Variants in MYO10 observed in about 807,000 individuals in gnomAD.
MYO10 encodes myosin X.
A neutral mutation model predicts 257.3 loss-of-function variants in MYO10; 133 were observed. The observed-to-expected ratio is 0.52, with a 90% CI of 0.45 to 0.60. The LOEUF is 0.60. Among genes scored for constraint, MYO10 ranks in the 20% least tolerant of loss-of-function variants. The pLI is 0.00. For missense variants in MYO10, 2,399 were observed against 2,635.7 expected, an observed-to-expected ratio of 0.91 and a Z score of 1.97; for synonymous variants, 1,104 against 1,028.6, an observed-to-expected ratio of 1.07 and a Z score of -1.40.
At chr5:16,914,164 T>C (rs1044449779) in intron 1 of MYO10, among the ~76,000 whole-genome samples, 1 of 152,220 alleles carries the variant, frequency 6.6e-6, no homozygotes, top group Non-Finnish European at 1.5e-5. Flanking sequence ...GTGGCATTTC[T>C]TCCTACAGTA....
At chr5:16,894,491 G>C (rs1277342237) in intron 1 of MYO10, among the ~76,000 whole-genome samples, 2 of 152,136 alleles carry the variant, frequency 1.3e-5, no homozygotes, top group Non-Finnish European at 1.5e-5. Context: ...TTTCCTCATC[G>C]AATGTAGAGG....
At position 16,857,077 on chromosome 5, in the gene MYO10, T is replaced by A. The variant is rs191994725; in HGVS notation, c.120+20532A>T. ...GTCAATTAGGTTAGTATATGCACAA[T>A]CAACTCGCTTTCTGAAATACTTCGA... is the stretch of plus-strand genomic sequence containing the variant. On this transcript the variant is annotated intron_variant, in intron 2 of 40. Transcript: ENST00000513610. 3.9e-4 allele frequency among the ~76,000 whole-genome samples: 60 copies of A among 152,308 alleles called. 3 individuals carry two copies. Among genetic ancestry groups the A allele is most frequent in the Non-Finnish European group, 4.6e-4 (31 of 68,028 alleles).
At chr5:16,702,732 G>T in intron 23 of MYO10, 144 bp from the exon 24 acceptor site, 2 of 939,256 alleles carry the variant, frequency 2.1e-6, no homozygotes, top group Non-Finnish European at 3.2e-6. Context: ...GATTTATTCT[G>T]TATGAATAAA....
At chr5:16,682,303 A>G (rs1234651941) in intron 30 of MYO10, among the ~76,000 whole-genome samples, 2 of 152,180 alleles carry the variant, frequency 1.3e-5, no homozygotes, top group African/African-American at 4.8e-5. Context: ...AAGGCTAAAC[A>G]AGGTGACCAT....
chr5:16,856,413 G>A (rs965036356), intron 2 of MYO10, among the ~76,000 whole-genome samples: 1 of 152,024 alleles, frequency 6.6e-6, no homozygotes, highest in Non-Finnish European at 1.5e-5. Flanking sequence ...AGCTGGGCGT[G>A]GTGGTGTACA....
intron 4 of MYO10, among the ~76,000 whole-genome samples, chr5:16,791,180 C>A (rs1741741933): frequency 6.6e-6 from 1 of 152,078 alleles, no homozygotes; most frequent in South Asian, 2.1e-4. Flanking sequence ...TTTTCTCAAG[C>A]ATGAGAATGT....
At chr5:16,854,926 G>A (rs148251762) in intron 2 of MYO10, among the ~76,000 whole-genome samples, 3,429 of 151,978 alleles carry the variant, frequency 0.023, 44 homozygotes, top group South Asian at 0.037. Context: ...TCAGCTACTC[G>A]GGAGGCTGAG....
intron 3 of MYO10, among the ~76,000 whole-genome samples, chr5:16,802,939 C>CA (rs34168458): frequency 0.3 from 41,298 of 137,686 alleles, 6,225 homozygotes; most frequent in Middle Eastern, 0.37. Context: ...TCCTCTCTCT[C>CA]AAAAAAAAAA....
chr5:16,700,590 TA>T (rs11290692), intron 25 of MYO10, among the ~76,000 whole-genome samples: 3,931 of 152,166 alleles, frequency 0.026, 180 homozygotes, highest in African/African-American at 0.088. Flanking sequence ...GGCAGCAGGA[TA>T]GCTTGGACCC....
At chr5:16,798,012 A>C (rs1302198477) in intron 3 of MYO10, among the ~76,000 whole-genome samples, 1 of 152,214 alleles carries the variant, frequency 6.6e-6, no homozygotes, top group Non-Finnish European at 1.5e-5. Flanking sequence ...GGAGTGAGTT[A>C]GTTATTGCAG....
chr5:16,823,468 A>ATTTTTTTTTTTTTTTT, intron 2 of MYO10, among the ~76,000 whole-genome samples: 1 of 6,448 alleles, frequency 1.6e-4, no homozygotes, highest in Non-Finnish European at 2.8e-4. Flanking sequence ...GGGAGTGGGG[A>ATTTTTTTTTTTTTTTT]TTTTTTTTTT....
In MYO10 at chr5:16,835,500, T is replaced by G. The variant is rs917498345; in HGVS notation, c.121-17333A>C. On this transcript the variant is annotated intron_variant, in intron 2 of 40. Coordinates refer to ENST00000513610, the MANE Select transcript of MYO10 (RefSeq NM_012334.3). ...CAAAGTCATTTTTGGCTGTTTTTTT[T>G]TTTTTTTTTTTTTTTGGTGAGATAT... 4.8e-5 allele frequency among the ~76,000 whole-genome samples: 7 copies of G among 145,466 alleles called. No individual in the cohort carries two copies. The South Asian group carries it at 1.6e-3, about 34-fold the overall frequency.
At chr5:16,820,020 A>G (rs1451892853) in intron 2 of MYO10, among the ~76,000 whole-genome samples, 1 of 152,180 alleles carries the variant, frequency 6.6e-6, no homozygotes, top group Non-Finnish European at 1.5e-5. Flanking sequence ...TAGTGGCCCC[A>G]TCTCATGGTA....
intron 26 of MYO10, among the ~76,000 whole-genome samples, chr5:16,695,236 G>A (rs916507071): frequency 1.1e-4 from 17 of 152,086 alleles, no homozygotes; most frequent in Non-Finnish European, 2.2e-4. Flanking sequence ...TGGGAGGCTG[G>A]GGTAGGACAA....
chr5:16,855,270 G>A (rs1450915563), intron 2 of MYO10, among the ~76,000 whole-genome samples: 1 of 151,998 alleles, frequency 6.6e-6, no homozygotes, highest in Non-Finnish European at 1.5e-5. Flanking sequence ...TTTTCTCTAT[G>A]GTATTTACTT....
chr5:16,663,204 G>A lies in MYO10; in HGVS notation c.*3488C>T. ...GATATATATGTATGTATGAGTAAATGATTGGACAGCTTAAATTATTTTTGA... is the reference window on the plus strand; with the variant it reads ...GATATATATGTATGTATGAGTAAATAATTGGACAGCTTAAATTATTTTTGA... On this transcript the variant is annotated 3_prime_UTR_variant, in exon 41 of 41. Transcript: ENST00000513610. The A allele has an allele frequency of 6.6e-6, 1 of 151,990 alleles. No individual in the cohort carries two copies. Among genetic ancestry groups the A allele is most frequent in the East Asian group, 1.9e-4 (1 of 5,186 alleles). The allele number at this position is 151,990 out of a possible 1,614,324, so 9.4% of individuals were successfully genotyped here.
chr5:16,705,997 A>G (rs1449565481), intron 21 of MYO10, among the ~76,000 whole-genome samples: 1 of 152,146 alleles, frequency 6.6e-6, no homozygotes, highest in Admixed American at 6.5e-5. Flanking sequence ...AGCCTGGCCA[A>G]CATGGGGAAA....
intron 3 of MYO10, among the ~76,000 whole-genome samples, chr5:16,807,079 G>A (rs1406918490): frequency 6.6e-5 from 10 of 152,208 alleles, no homozygotes; most frequent in Non-Finnish European, 1.5e-4. Flanking sequence ...AAAGGGAAGA[G>A]TTGTTAAGAA....
chr5:16,825,429 G>C (rs1180457976), intron 2 of MYO10, among the ~76,000 whole-genome samples: 1 of 152,242 alleles, frequency 6.6e-6, no homozygotes, highest in Non-Finnish European at 1.5e-5. Flanking sequence ...AGTGAGAAAT[G>C]TTTTTCCCTG....
Sources: allele counts gnomAD v4.1 joint callset (sites outside exome capture counted in the v4.1 genomes callset), GRCh38; gene constraint gnomAD v4.1.1; transcripts MANE v1.5; gene names NCBI Gene and HGNC (gene_info 2026-07-23, HGNC 2026-07-21).